The following BCL2L1 variants were observed in gnomAD, a reference collection of about 807,000 sequenced individuals.
BCL2L1 encodes bcl-2-like protein 1.
In BCL2L1, 1 loss-of-function variant was observed where a neutral mutation model predicts 18.7. The ratio of observed to expected loss-of-function variants is 0.05; its 90% CI spans 0.02 to 0.25. The LOEUF (loss-of-function observed/expected upper bound fraction) is 0.25, where lower values mean the gene tolerates loss of function less well. Ranked by LOEUF, BCL2L1 falls within the 10% of genes least tolerant of loss-of-function variation. The probability of loss-of-function intolerance (pLI) is 1.00; values close to 1 mark genes in which losing one functional copy is unlikely to be tolerated. For missense variants in BCL2L1, 207 were observed against 304.9 expected (o/e 0.68, Z 2.39); for synonymous variants, 103 against 122.7 (o/e 0.84, Z 1.06).
At chr20:31,693,324 T>TA (rs2061115183) in intron 2 of BCL2L1, among the ~76,000 whole-genome samples, 1 of 151,458 alleles carries the variant, frequency 6.6e-6, no homozygotes. Flanking sequence ...TAATAATAAT[T>TA]AAAAAATTAG....
At chr20:31,675,236 G>A (rs2060740798) in intron 2 of BCL2L1, among the ~76,000 whole-genome samples, 1 of 152,188 alleles carries the variant, frequency 6.6e-6, no homozygotes, top group Non-Finnish European at 1.5e-5. Flanking sequence ...AAGAGGAAGA[G>A]GCTACTAGCA....
At position 31,684,976 on chromosome 20, in the gene BCL2L1, G is replaced by A. The variant is rs536767596; in HGVS notation, c.565-18890C>T. Reference sequence around the variant, plus strand: ...AAGTGATAAGCTTGCTGGGATAGGCGAGAAGGCTGGCCTCTAAATTTACTG... The same window carrying A: ...AAGTGATAAGCTTGCTGGGATAGGCAAGAAGGCTGGCCTCTAAATTTACTG... On this transcript the variant is annotated intron_variant, in intron 2 of 2. Coordinates refer to ENST00000307677, the MANE Select transcript of BCL2L1 (RefSeq NM_138578.3). Among the ~76,000 whole-genome samples the A allele has an allele frequency of 3.9e-5, 6 of 152,338 alleles. No homozygotes were observed. In the East Asian group the frequency reaches 7.7e-4, roughly 20 times the overall value.
chr20:31,671,048 C>G (rs1183418958), intron 2 of BCL2L1, among the ~76,000 whole-genome samples: 3 of 152,026 alleles, frequency 2.0e-5, no homozygotes, highest in Non-Finnish European at 4.4e-5. Flanking sequence ...TTCTAGGAGA[C>G]CCAGGCCCAA....
intron 2 of BCL2L1, among the ~76,000 whole-genome samples, chr20:31,670,205 T>C (rs527944553): frequency 6.6e-6 from 1 of 152,370 alleles, no homozygotes; most frequent in South Asian, 2.1e-4. Context: ...CTCTCCATCC[T>C]AGCTAGCCTC....
intron 2 of BCL2L1, among the ~76,000 whole-genome samples, chr20:31,681,336 G>A (rs1042388019): frequency 6.6e-6 from 1 of 152,212 alleles, no homozygotes; most frequent in African/African-American, 2.4e-5. Context: ...GAAGCAGTCA[G>A]TTTCAGAATT....
chr20:31,702,046 A>G (rs1295903783), intron 2 of BCL2L1, among the ~76,000 whole-genome samples: 2 of 152,224 alleles, frequency 1.3e-5, no homozygotes, highest in Non-Finnish European at 2.9e-5. Context: ...AACTACAAGA[A>G]GACTGGAGAG....
At chr20:31,670,969 G>A (rs1203799652) in intron 2 of BCL2L1, among the ~76,000 whole-genome samples, 1 of 152,208 alleles carries the variant, frequency 6.6e-6, no homozygotes, top group African/African-American at 2.4e-5. Flanking sequence ...GTTTTAACCA[G>A]GCTGGCATGG....
At chr20:31,704,261 C>T (rs1033351703) in intron 2 of BCL2L1, among the ~76,000 whole-genome samples, 3 of 151,454 alleles carry the variant, frequency 2.0e-5, no homozygotes, top group East Asian at 1.9e-4. Context: ...GCACCACACC[C>T]GGCTAATTTT....
chr20:31,696,606 T>C (rs12479946), intron 2 of BCL2L1, among the ~76,000 whole-genome samples: 7,988 of 152,298 alleles, frequency 0.052, 265 homozygotes, highest in Middle Eastern at 0.11. Flanking sequence ...TGGCATTTAT[T>C]CTCATGAATA....
In BCL2L1 at chr20:31,668,691, G is replaced by A. The variant is rs529478544; in HGVS notation, c.565-2605C>T. ...GCGATCTCAGCTCACTGCAACCTCC[G>A]CCTCCCAGGTTCAAGCGATTCTCCT... On this transcript the variant is annotated intron_variant, in intron 2 of 2. Coordinates refer to ENST00000307677, the MANE Select transcript of BCL2L1 (RefSeq NM_138578.3). Among the ~76,000 whole-genome samples, 24 of 145,684 alleles carry A rather than the reference G, an allele frequency of 1.6e-4. No individual in the cohort carries two copies. The Middle Eastern group carries it at 0.014, about 86-fold the overall frequency.
At chr20:31,676,924 C>G (rs1266217382) in intron 2 of BCL2L1, among the ~76,000 whole-genome samples, 4 of 152,186 alleles carry the variant, frequency 2.6e-5, no homozygotes, top group African/African-American at 9.7e-5. Flanking sequence ...ATGCTCGTCT[C>G]CCTCTGTCTC....
chr20:31,713,197 A>G (rs2061479137), intron 2 of BCL2L1: 1 of 912,568 alleles, frequency 1.1e-6, no homozygotes, highest in African/African-American at 1.8e-5. Context: ...AGAACCCAGG[A>G]ATTCTAACTG....
chr20:31,709,602 G>C (rs941492654), intron 2 of BCL2L1, among the ~76,000 whole-genome samples: 1 of 152,044 alleles, frequency 6.6e-6, no homozygotes, highest in African/African-American at 2.4e-5. Flanking sequence ...GGGAGGCTGA[G>C]GCGGGTGGAT....
At chr20:31,723,724 G>A (rs1237877643), upstream of BCL2L1, 28 of 985,358 alleles carry the variant, frequency 2.8e-5, no homozygotes, top group Non-Finnish European at 3.3e-5. Flanking sequence ...CAGGGGAGGC[G>A]GCGCTCTCAC....
chr20:31,712,756 G>A lies in BCL2L1; in HGVS notation c.564+8899C>T, dbSNP rs1247033586. Among the ~76,000 whole-genome samples the A allele has an allele frequency of 3.3e-5, 5 of 152,120 alleles. No individual in the cohort carries two copies. The East Asian group carries it at 9.7e-4, about 29-fold the overall frequency. On this transcript the variant is annotated intron_variant, in intron 2 of 2. Transcript: ENST00000307677. ...GTTCCTATCCCTGCCTGACTCGGGG[G>A]AACAAAGGCACGTGTGTATGTGTGT... is the stretch of plus-strand genomic sequence containing the variant.
At chr20:31,691,565 T>TAAAATA (rs1189813912) in intron 2 of BCL2L1, among the ~76,000 whole-genome samples, 1 of 143,636 alleles carries the variant, frequency 7.0e-6, no homozygotes, top group African/African-American at 2.7e-5. Flanking sequence ...TAAAATAAAA[T>TAAAATA]AAACAGGCTG....
At chr20:31,723,744 C>T (rs1459119586), upstream of BCL2L1, 2 of 985,446 alleles carry the variant, frequency 2.0e-6, no homozygotes, top group Non-Finnish European at 1.2e-6. Flanking sequence ...CCTGCGAGCC[C>T]CGCGAGCCGT....
At chr20:31,704,748 C>A (rs557147521) in intron 2 of BCL2L1, among the ~76,000 whole-genome samples, 2 of 152,180 alleles carry the variant, frequency 1.3e-5, no homozygotes, top group Non-Finnish European at 1.5e-5. Flanking sequence ...AATGCACCCC[C>A]CCAACGCACA....
At position 31,700,763 on chromosome 20, in the gene BCL2L1, T is replaced by C. The variant is rs531055266; in HGVS notation, c.564+20892A>G. On this transcript the variant is annotated intron_variant, in intron 2 of 2. Coordinates refer to ENST00000307677, the MANE Select transcript of BCL2L1 (RefSeq NM_138578.3). Reference sequence around the variant, plus strand: ...ACAAGATCTCCTTTCATGTATATTATGTCTTTTCTCTCTAATTCAACTGGA... The same window carrying C: ...ACAAGATCTCCTTTCATGTATATTACGTCTTTTCTCTCTAATTCAACTGGA... 2.2e-4 allele frequency among the ~76,000 whole-genome samples: 34 copies of C among 152,358 alleles called. 1 individual carries two copies. The South Asian group carries it at 6.2e-3, about 28-fold the overall frequency.
Sources: allele counts gnomAD v4.1 joint callset (sites outside exome capture counted in the v4.1 genomes callset), GRCh38; gene constraint gnomAD v4.1.1; transcripts MANE v1.5; gene names NCBI Gene and HGNC (gene_info 2026-07-23, HGNC 2026-07-21).